The following COG5 variants were observed in gnomAD, a reference collection of about 807,000 sequenced individuals.
COG5 encodes component of oligomeric golgi complex 5.
COG5 carries 86 observed loss-of-function variants against 110.4 expected under a neutral mutation model. The ratio of observed to expected loss-of-function variants is 0.78; its 90% confidence interval spans 0.65 to 0.93. The LOEUF (loss-of-function observed/expected upper bound fraction) is 0.93, where lower values mean the gene tolerates loss of function less well. Among genes scored for constraint, COG5 ranks in the 40% least tolerant of loss-of-function variants. COG5 has a pLI of 0.00. For missense variants in COG5, 1,077 were observed against 987.0 expected (o/e 1.09, Z -1.22); for synonymous variants, 360 against 334.6 (o/e 1.08, Z -0.83).
At chr7:107,322,149 C>A (rs1309499474) in intron 11 of COG5, among the ~76,000 whole-genome samples, 1 of 152,176 alleles carries the variant, frequency 6.6e-6, no homozygotes, top group Non-Finnish European at 1.5e-5. Context: ...TTTATCTCCC[C>A]AAATTCATAT....
chr7:107,370,781 TAA>T (rs71314692), intron 8 of COG5, among the ~76,000 whole-genome samples: 1 of 101,550 alleles, frequency 9.8e-6, no homozygotes, highest in Admixed American at 1.1e-4. Flanking sequence ...AAACTCCAGC[TAA>T]AAAAAAAAAA....
intron 17 of COG5, among the ~76,000 whole-genome samples, chr7:107,238,071 G>A (rs62483634): frequency 0.26 from 39,189 of 151,964 alleles, 5,098 homozygotes; most frequent in East Asian, 0.31. Flanking sequence ...CTGAATCAAG[G>A]TAATCATACT....
chr7:107,432,419 A>T (rs1296164364), intron 6 of COG5, among the ~76,000 whole-genome samples: 1 of 152,184 alleles, frequency 6.6e-6, no homozygotes, highest in East Asian at 1.9e-4. Flanking sequence ...TGATATACAA[A>T]AGAGAGGGAG....
intron 3 of COG5, among the ~76,000 whole-genome samples, chr7:107,550,309 C>A (rs1055625386): frequency 4.0e-5 from 6 of 151,002 alleles, no homozygotes; most frequent in Admixed American, 3.9e-4. Context: ...GCTTCCAAAC[C>A]AGTGTCCCTG....
At chr7:107,507,815 T>G (rs1003114447) in intron 6 of COG5, among the ~76,000 whole-genome samples, 2 of 152,216 alleles carry the variant, frequency 1.3e-5, no homozygotes, top group South Asian at 2.1e-4. Flanking sequence ...CATCAGTGGA[T>G]GAAACAAGTT....
At chr7:107,236,102 T>C (rs527429309) in intron 18 of COG5, among the ~76,000 whole-genome samples, 3 of 152,332 alleles carry the variant, frequency 2.0e-5, no homozygotes, top group South Asian at 4.1e-4. Context: ...TTTCATTGCC[T>C]ACATTATTGG....
intron 16 of COG5, among the ~76,000 whole-genome samples, chr7:107,249,607 G>C (rs1180957351): frequency 6.6e-6 from 1 of 151,440 alleles, no homozygotes; most frequent in Non-Finnish European, 1.5e-5. Context: ...AATGAGCAAA[G>C]GTAAAATATA....
Position 107,541,523 on chromosome 7 carries a change from A to AAAATAT in COG5, c.417+6587_417+6588insATATTT, listed in dbSNP as rs60423657. The stretch of plus-strand genomic sequence containing the variant: ...AAAAAAAAAAAAAAAAAAAAAAAAA[A>AAAATAT]ATATATATATATATATATATGTATT... On this transcript the variant is annotated intron_variant, in intron 5 of 21. Transcript: ENST00000297135. Among the ~76,000 whole-genome samples the AAAATAT allele has an allele frequency of 1.0e-3, 59 of 57,002 alleles. 2 individuals carry two copies. Among genetic ancestry groups the AAAATAT allele is most frequent in the African/African-American group, 3.2e-3 (48 of 14,946 alleles). 37.4% of individuals were successfully genotyped at this position (57,002 alleles called of 152,430 possible).
chr7:107,288,955 TATATATATTTAA>T (rs1805921923), intron 12 of COG5, among the ~76,000 whole-genome samples: 2 of 119,402 alleles, frequency 1.7e-5, no homozygotes, highest in African/African-American at 5.7e-5. Flanking sequence ...TATATATATA[TATATATATTTAA>T]AAATTTATCT....
intron 6 of COG5, chr7:107,472,912 T>C (rs1476573939): frequency 1.3e-5 from 2 of 151,952 alleles, no homozygotes; most frequent in Non-Finnish European, 2.9e-5. Flanking sequence ...ATGAATATAC[T>C]GATTAACTGA....
rs112266813 is a variant in COG5, at chr7:107,550,464, C to G, written c.293-2132G>C. On this transcript the variant is annotated intron_variant, in intron 3 of 21. Coordinates refer to ENST00000297135, the MANE Select transcript of COG5 (RefSeq NM_006348.5). ...CCAAATTCCTTCCCAAGAACCTTAT[C>G]TACGATCCTCTCCCTCCTTCACTAA... is the stretch of plus-strand genomic sequence containing the variant. Among the ~76,000 whole-genome samples the G allele has an allele frequency of 3.0e-3, 462 of 152,272 alleles. 5 individuals are homozygous for G. The highest frequency in any genetic ancestry group is 0.01 in the African/African-American group (434 of 41,556).
intron 1 of COG5, among the ~76,000 whole-genome samples, chr7:107,559,016 A>C (rs188193085): frequency 9.5e-4 from 144 of 151,574 alleles, no homozygotes; most frequent in African/African-American, 3.2e-3. Context: ...TTGACTCTAT[A>C]TATATATATA....
chr7:107,463,712 A>G (rs1563049885), intron 6 of COG5, among the ~76,000 whole-genome samples: 1 of 152,188 alleles, frequency 6.6e-6, no homozygotes, highest in Non-Finnish European at 1.5e-5. Context: ...CATAGCTGCC[A>G]GGAGACTACA....
intron 7 of COG5, among the ~76,000 whole-genome samples, chr7:107,402,469 C>T (rs1315770564): frequency 6.6e-6 from 1 of 152,264 alleles, no homozygotes; most frequent in East Asian, 1.9e-4. Flanking sequence ...AAGTCATCTT[C>T]CTAATTAAAA....
chr7:107,504,636 T>G (rs1333893369), intron 6 of COG5, among the ~76,000 whole-genome samples: 1 of 152,168 alleles, frequency 6.6e-6, no homozygotes, highest in Non-Finnish European at 1.5e-5. Context: ...CTGGGCTTTT[T>G]CTTTGTTGGC....
Position 107,474,592 on chromosome 7 carries a change from G to C in COG5, c.538+52645C>G. The C allele has an allele frequency of 2.5e-6, 4 of 1,610,108 alleles. No individual in the cohort carries two copies. Among genetic ancestry groups the C allele is most frequent in the Non-Finnish European group, 3.4e-6 (4 of 1,178,352 alleles). Reference sequence around the variant, plus strand: ...TTTCTCTTTCCTGATTCCTTTTATTGAGGTAAATTTTTTCAGTCTTCAAAG... The same window carrying C: ...TTTCTCTTTCCTGATTCCTTTTATTCAGGTAAATTTTTTCAGTCTTCAAAG... On this transcript the variant is annotated intron_variant, in intron 6 of 21. Transcript: ENST00000297135. This position sits in a 1 kb window ranked among gnomAD's most constrained non-coding sequence, Gnocchi z 5.7.
intron 10 of COG5, among the ~76,000 whole-genome samples, chr7:107,335,024 T>C (rs1257669724): frequency 6.6e-6 from 1 of 152,232 alleles, no homozygotes; most frequent in Non-Finnish European, 1.5e-5. Flanking sequence ...CACAAAAATA[T>C]GTAAATTGAT....
intron 6 of COG5, among the ~76,000 whole-genome samples, chr7:107,465,494 A>ACT (rs1796243931): frequency 6.6e-6 from 1 of 152,156 alleles, no homozygotes; most frequent in Non-Finnish European, 1.5e-5. Context: ...AAGTTAGAAG[A>ACT]CTCAATACTG....
Position 107,298,153 on chromosome 7 carries a change from C to CT in COG5, c.1301dup (p.Pro435AlafsTer4), listed in dbSNP as rs1351090889. On this transcript the variant is annotated frameshift_variant, in exon 12 of 22. Transcript: ENST00000297135. LOFTEE classifies it high-confidence loss of function. ...TTAAACAAACATACTCATAATCTGG[C>CT]TTTTTTGGTATGAATATATCTTGTG... 1.9e-6 allele frequency: 3 copies of CT among 1,569,184 alleles called. No homozygotes were observed. The highest frequency in any genetic ancestry group is 2.7e-5 in the African/African-American group (2 of 73,960).
Sources: allele counts gnomAD v4.1 joint callset (sites outside exome capture counted in the v4.1 genomes callset), GRCh38; gene constraint gnomAD v4.1.1; non-coding constraint Gnocchi (gnomAD v3.1); transcripts MANE v1.5; gene names NCBI Gene and HGNC (gene_info 2026-07-23, HGNC 2026-07-21).